The following LRRC7 variants were observed in gnomAD, a reference collection of about 807,000 sequenced individuals.
LRRC7 encodes the protein leucine rich repeat containing 7.
A neutral mutation model predicts 175.7 loss-of-function variants in LRRC7; 23 were observed. That is an observed-to-expected ratio of 0.13 (90% CI 0.09 to 0.19). LRRC7 has a LOEUF of 0.19. Among genes scored for constraint, LRRC7 ranks in the 10% least tolerant of loss-of-function variants. The pLI is 1.00. For missense variants in LRRC7, 1,354 were observed against 1,904.7 expected (o/e 0.71, Z 5.38); for synonymous variants, 685 against 680.9 (o/e 1.01, Z -0.09).
chr1:70,043,401 A>C (rs1660080698), intron 21 of LRRC7, among the ~76,000 whole-genome samples: 1 of 152,206 alleles, frequency 6.6e-6, no homozygotes, highest in African/African-American at 2.4e-5. Flanking sequence ...TGGTAAGCTC[A>C]AATGGCATTT....
intron 16 of LRRC7, chr1:70,022,429 A>AT (rs751365377): frequency 1.1e-4 from 16 of 152,338 alleles, no homozygotes; most frequent in Middle Eastern, 6.8e-3. Flanking sequence ...AAGAAAGTGC[A>AT]TTTAATATAC....
intron 7 of LRRC7, among the ~76,000 whole-genome samples, chr1:69,929,245 G>T (rs1435990289): frequency 6.6e-6 from 1 of 152,160 alleles, no homozygotes; most frequent in Non-Finnish European, 1.5e-5. Flanking sequence ...ATGCTACCAT[G>T]CTCAAATTAT....
intron 8 of LRRC7, among the ~76,000 whole-genome samples, chr1:69,945,192 T>C (rs947847718): frequency 6.6e-6 from 1 of 152,094 alleles, no homozygotes; most frequent in African/African-American, 2.4e-5. Flanking sequence ...GCATATGGGG[T>C]GGAATAATGG....
intron 7 of LRRC7, among the ~76,000 whole-genome samples, chr1:69,871,239 C>G (rs1168336407): frequency 1.3e-5 from 2 of 152,036 alleles, no homozygotes. Context: ...ATACCTTAAG[C>G]TTTCAGCTGG....
chr1:70,039,672 C>T lies in LRRC7; in HGVS notation c.3848C>T (p.Ser1283Leu). 6.2e-7 allele frequency: 1 copy of T among 1,614,036 alleles called. No homozygotes were observed. The highest frequency in any genetic ancestry group is 8.5e-7 in the Non-Finnish European group (1 of 1,179,984). Residue 1283 changes from serine (S) to leucine (L), a missense_variant, in exon 21 of 27, where the codon TCA (serine) becomes TTA (leucine). Transcript: ENST00000651989. ...YNLGNYGDKPSDNSDLKTRPT... is the reference protein window; with the variant it reads ...YNLGNYGDKPLDNSDLKTRPT... ...TTGGGTAACTATGGTGACAAGCCAT[C>T]AGATAACAGTGATTTAAAGACGAGG...
intron 7 of LRRC7, among the ~76,000 whole-genome samples, chr1:69,915,338 A>G (rs1646654133): frequency 6.6e-6 from 1 of 152,174 alleles, no homozygotes; most frequent in African/African-American, 2.4e-5. Context: ...TACTCACAAT[A>G]ACCTACTTAA....
At chr1:69,892,601 T>C (rs1645868742) in intron 7 of LRRC7, among the ~76,000 whole-genome samples, 1 of 152,126 alleles carries the variant, frequency 6.6e-6, no homozygotes, top group African/African-American at 2.4e-5. Context: ...CAGACAAAAC[T>C]GATTTAGCCT....
At chr1:69,903,095 T>A (rs1278476322) in intron 7 of LRRC7, among the ~76,000 whole-genome samples, 1 of 152,234 alleles carries the variant, frequency 6.6e-6, no homozygotes, top group African/African-American at 2.4e-5. Context: ...ATGATAACCA[T>A]GGCAAAAAGT....
intron 1 of LRRC7, among the ~76,000 whole-genome samples, chr1:69,592,548 C>T (rs922760322): frequency 2.0e-5 from 3 of 152,008 alleles, no homozygotes; most frequent in Non-Finnish European, 2.9e-5. Context: ...TGGCGAAGAT[C>T]GCCTGATTTG....
At position 69,673,218 on chromosome 1, in the gene LRRC7, T is replaced by C. The variant is rs181793774; in HGVS notation, c.3-5163T>C. On this transcript the variant is annotated intron_variant, in intron 1 of 26. Coordinates refer to ENST00000651989, the MANE Select transcript of LRRC7 (RefSeq NM_001370785.2). ...CCTCAACCTACTGCATGATAATCTT[T>C]AGTACTGGGAAAATCACTCCTTGGG... 1.3e-3 allele frequency among the ~76,000 whole-genome samples: 196 copies of C among 152,306 alleles called. 1 individual carries two copies. Among genetic ancestry groups the C allele is most frequent in the African/African-American group, 4.4e-3 (183 of 41,564 alleles).
rs1667215280 is a variant in LRRC7, at chr1:70,144,320, A to G, written c.*22433A>G. The G allele has an allele frequency of 6.6e-6, 1 of 152,148 alleles. No homozygotes were observed. The highest frequency in any genetic ancestry group is 1.5e-5 in the Non-Finnish European group (1 of 68,038). 9.4% of individuals were successfully genotyped at this position (152,148 alleles called of 1,614,324 possible). ...TAAAAAAGTGTTTTGAATAACATAA[A>G]AGTCTCCTTATTGTATAAATAATAA... On this transcript the variant is annotated 3_prime_UTR_variant, in exon 27 of 27. Transcript: ENST00000651989.
chr1:69,850,234 A>T (rs1385549116), intron 7 of LRRC7, among the ~76,000 whole-genome samples: 1 of 152,118 alleles, frequency 6.6e-6, no homozygotes, highest in East Asian at 1.9e-4. Flanking sequence ...AGGTGTACAA[A>T]ACTTGTGATG....
chr1:69,644,481 A>G (rs1654710561), intron 1 of LRRC7, among the ~76,000 whole-genome samples: 1 of 151,982 alleles, frequency 6.6e-6, no homozygotes, highest in Admixed American at 6.6e-5. Context: ...ACTAACTTTC[A>G]TATGCTTCCA....
In LRRC7 at chr1:70,127,000, G is replaced by A. The variant is rs140838790; in HGVS notation, c.*5113G>A. On this transcript the variant is annotated 3_prime_UTR_variant, in exon 27 of 27. Transcript: ENST00000651989. ...GACCCTCTTAGAGTGATAGCTGTTC[G>A]GAGAGCCTTGAGTATCAACAGATGG... Among the ~76,000 whole-genome samples the A allele has an allele frequency of 2.0e-5, 3 of 152,256 alleles. No individual in the cohort carries two copies. Among genetic ancestry groups the A allele is most frequent in the East Asian group, 1.9e-4 (1 of 5,180 alleles).
intron 7 of LRRC7, among the ~76,000 whole-genome samples, chr1:69,900,708 G>A (rs1210981994): frequency 6.6e-6 from 1 of 152,076 alleles, no homozygotes; most frequent in Non-Finnish European, 1.5e-5. Context: ...TTTCCTTTGA[G>A]CATCACGTTG....
chr1:69,732,270 A>G (rs1044844415), intron 2 of LRRC7, among the ~76,000 whole-genome samples: 3 of 152,038 alleles, frequency 2.0e-5, no homozygotes, highest in African/African-American at 7.2e-5. Flanking sequence ...GCAAAAAAAG[A>G]TTTTTTAAAG....
intron 8 of LRRC7, among the ~76,000 whole-genome samples, chr1:69,971,338 G>A (rs888196894): frequency 1.3e-4 from 19 of 151,958 alleles, no homozygotes; most frequent in Non-Finnish European, 2.5e-4. Context: ...TCAAACTGTC[G>A]CTGCTCTCTG....
chr1:69,904,653 T>C (rs1646240019), intron 7 of LRRC7, among the ~76,000 whole-genome samples: 1 of 152,178 alleles, frequency 6.6e-6, no homozygotes, highest in African/African-American at 2.4e-5. Context: ...TTTCTCCTGA[T>C]CTTTTTGTTT....
chr1:70,083,184 T>C (rs1279982164), intron 24 of LRRC7, among the ~76,000 whole-genome samples: 1 of 152,150 alleles, frequency 6.6e-6, no homozygotes, highest in East Asian at 1.9e-4. Flanking sequence ...GAATTTGTAT[T>C]TCAAAAAATA....
Sources: gnomAD v4.1 joint callset for allele counts (sites outside exome capture counted in the v4.1 genomes callset) on GRCh38, gnomAD v4.1.1 for gene constraint, MANE v1.5 for transcripts, NCBI Gene and HGNC (gene_info 2026-07-23, HGNC 2026-07-21) for gene names.